DENND4A: variants seen among roughly 807,000 people sequenced by gnomAD.
The protein encoded by DENND4A is DENN domain containing 4A, also known as C-myc promoter-binding protein.
Under a neutral mutation model 199.3 loss-of-function variants are expected in DENND4A, and 70 were observed. That is an observed-to-expected ratio of 0.35 (90% CI 0.29 to 0.43). DENND4A has a LOEUF of 0.43. Among genes scored for constraint, DENND4A ranks in the 20% least tolerant of loss-of-function variants. The probability of loss-of-function intolerance (pLI) is 1.00; values close to 1 mark genes in which losing one functional copy is unlikely to be tolerated. For missense variants in DENND4A, 1,723 were observed against 2,255.8 expected (o/e 0.76, Z 4.78); for synonymous variants, 686 against 766.9 (o/e 0.89, Z 1.74).
intron 23 of DENND4A, among the ~76,000 whole-genome samples, chr15:65,678,078 C>A (rs2076446788): frequency 1.3e-5 from 2 of 152,100 alleles, no homozygotes; most frequent in South Asian, 4.2e-4. Flanking sequence ...CAGGCGCCCG[C>A]CACCATGCCC....
intron 23 of DENND4A, among the ~76,000 whole-genome samples, chr15:65,681,631 C>G (rs1023080642): frequency 2.7e-5 from 4 of 148,042 alleles, no homozygotes; most frequent in Admixed American, 1.4e-4. Context: ...GGCTGGAGTA[C>G]AGACAGTCAT....
intron 24 of DENND4A, among the ~76,000 whole-genome samples, chr15:65,674,253 T>C (rs1007707400): frequency 2.6e-5 from 4 of 152,188 alleles, no homozygotes; most frequent in Admixed American, 1.3e-4. Context: ...GATTTATGTT[T>C]TCAAAAAAAC....
intron 12 of DENND4A, among the ~76,000 whole-genome samples, chr15:65,718,429 A>G (rs1457608794): frequency 2.6e-5 from 4 of 152,196 alleles, no homozygotes; most frequent in African/African-American, 9.7e-5. Flanking sequence ...GCAATAGAAT[A>G]TAAGAAAGCT....
At chr15:65,718,056 C>A in intron 12 of DENND4A, 60 bp from the exon 13 acceptor site, 1 of 1,254,342 alleles carries the variant, frequency 8.0e-7, no homozygotes, top group Non-Finnish European at 1.1e-6. Context: ...ATGATGGTAC[C>A]AATATAATTT....
At position 65,682,711 on chromosome 15, in the gene DENND4A, G is replaced by A. The variant is rs555681806; in HGVS notation, c.4180-6077C>T. Among the ~76,000 whole-genome samples the A allele has an allele frequency of 2.0e-4, 31 of 152,226 alleles. No homozygotes were observed. The East Asian group carries it at 4.1e-3, about 20-fold the overall frequency. The stretch of plus-strand genomic sequence containing the variant: ...GCTTTTGACATACCTTCCTCATTAA[G>A]CTTAATCATTTCTAGCTTTTGATTT... On this transcript the variant is annotated intron_variant, in intron 23 of 32. Coordinates refer to ENST00000443035, the MANE Select transcript of DENND4A (RefSeq NM_001320835.1).
intron 4 of DENND4A, among the ~76,000 whole-genome samples, chr15:65,748,185 A>AGTGTTAATT (rs2076462961): frequency 6.6e-6 from 1 of 152,050 alleles, no homozygotes; most frequent in Non-Finnish European, 1.5e-5. Context: ...ATCTTAGCAA[A>AGTGTTAATT]GTGTTAATTT....
chr15:65,684,257 T>C (rs1487356652), intron 23 of DENND4A, among the ~76,000 whole-genome samples: 1 of 152,342 alleles, frequency 6.6e-6, no homozygotes, highest in African/African-American at 2.4e-5. Context: ...CTGGGTCATA[T>C]GTTAAATTAA....
intron 22 of DENND4A, among the ~76,000 whole-genome samples, chr15:65,692,270 T>G (rs542289521): frequency 1.8e-4 from 28 of 152,312 alleles, no homozygotes; most frequent in African/African-American, 6.7e-4. Context: ...CTTAACATAT[T>G]GATTGCACAT....
At chr15:65,790,107 A>C (rs2077675362) in intron 1 of DENND4A, among the ~76,000 whole-genome samples, 1 of 152,202 alleles carries the variant, frequency 6.6e-6, no homozygotes, top group East Asian at 1.9e-4. Flanking sequence ...TAATTTTTTT[A>C]ATGAATTAAT....
At position 65,709,046 on chromosome 15, in the gene DENND4A, G is replaced by A. The variant is rs949975378; in HGVS notation, c.1954-2822C>T. Among the ~76,000 whole-genome samples the A allele has an allele frequency of 5.9e-5, 9 of 152,154 alleles. No individual in the cohort carries two copies. In the South Asian group the frequency reaches 1.0e-3, roughly 18 times the overall value. On this transcript the variant is annotated intron_variant, in intron 14 of 32. Transcript: ENST00000443035. The stretch of plus-strand genomic sequence containing the variant: ...GAATAAGTGAATAACAGTATCACAC[G>A]TCTAATTTTTGTTCAATAGTAGTCA...
At chr15:65,670,289 A>G in intron 25 of DENND4A, 101 bp from the exon 26 acceptor site, 1 of 1,001,926 alleles carries the variant, frequency 1.0e-6, no homozygotes, top group Non-Finnish European at 1.4e-6. Context: ...TAAAACCCAG[A>G]AGGATTCAGA....
At chr15:65,776,187 A>T (rs1243838720) in intron 1 of DENND4A, among the ~76,000 whole-genome samples, 2 of 152,228 alleles carry the variant, frequency 1.3e-5, no homozygotes, top group Non-Finnish European at 2.9e-5. Context: ...CATTTCTGTA[A>T]ATATCTGTTT....
intron 2 of DENND4A, among the ~76,000 whole-genome samples, chr15:65,757,264 G>C (rs1243036339): frequency 3.1e-5 from 1 of 32,642 alleles, no homozygotes; most frequent in South Asian, 1.3e-3. Context: ...TTCTGAGATG[G>C]GGGGGGGGGG....
intron 1 of DENND4A, among the ~76,000 whole-genome samples, chr15:65,766,244 C>T (rs1297651145): frequency 7.5e-6 from 1 of 134,076 alleles, no homozygotes; most frequent in African/African-American, 2.8e-5. Context: ...GAGTGAGACT[C>T]CACCTCAAAA....
rs2076952871 is a variant in DENND4A at position 65,691,059 on chromosome 15, C to T, written c.3535G>A (p.Ala1179Thr). ...GGATTTTGTGTAGCAACACATCCTGCTTTTGATACATCTGTTTCACTGTCT... is the reference window on the plus strand; with the variant it reads ...GGATTTTGTGTAGCAACACATCCTGTTTTTGATACATCTGTTTCACTGTCT... The part of the protein sequence containing the change: ...DLDSETDVSK[A>T]GCVATQNPKR... The change falls in exon 23 of 33, where the codon GCA (alanine) becomes ACA (threonine). Residue 1179 changes from alanine to threonine, a missense_variant. Around this residue, in one of 6 missense-constraint regions of DENND4A, gnomAD observed 650 missense variants for 738.1 expected, o/e 0.88. Coordinates refer to ENST00000443035, the MANE Select transcript of DENND4A (RefSeq NM_001320835.1). The T allele has an allele frequency of 1.2e-6, 2 of 1,612,818 alleles. No individual in the cohort carries two copies. Among genetic ancestry groups the T allele is most frequent in the South Asian group, 1.1e-5 (1 of 90,972 alleles).
At chr15:65,774,075 G>T (rs903893022) in intron 1 of DENND4A, among the ~76,000 whole-genome samples, 4 of 152,164 alleles carry the variant, frequency 2.6e-5, no homozygotes, top group Admixed American at 2.6e-4. Context: ...ATGTTTTATT[G>T]GCTGGGTGTG....
At chr15:65,770,067 T>A (rs1280655254) in intron 1 of DENND4A, among the ~76,000 whole-genome samples, 1 of 152,208 alleles carries the variant, frequency 6.6e-6, no homozygotes, top group Non-Finnish European at 1.5e-5. Context: ...GGACTTGCTT[T>A]AAGTTACTAT....
At chr15:65,668,879 C>G (rs2076131163) in intron 27 of DENND4A, among the ~76,000 whole-genome samples, 1 of 151,624 alleles carries the variant, frequency 6.6e-6, no homozygotes, top group African/African-American at 2.4e-5. Context: ...AAATGCTACT[C>G]AGGCTTCAGC....
At chr15:65,737,684 T>C (rs751417862) in intron 7 of DENND4A, 23 bp downstream of exon 7, 2 of 1,546,656 alleles carry the variant, frequency 1.3e-6, no homozygotes, top group Non-Finnish European at 1.7e-6. Context: ...TGTCAAATGT[T>C]GAACCAAGAA....
Sources: gnomAD v4.1 joint callset for allele counts (sites outside exome capture counted in the v4.1 genomes callset) on GRCh38, gnomAD v4.1.1 for gene constraint, gnomAD v4.1.1 regional missense constraint, MANE v1.5 for transcripts, NCBI Gene and HGNC (gene_info 2026-07-23, HGNC 2026-07-21) for gene names.